The following CHIC2 variants were observed in gnomAD, a reference collection of about 807,000 sequenced individuals.
The protein encoded by CHIC2 is cysteine rich hydrophobic domain 2, also known as cysteine-rich hydrophobic domain-containing protein 2.
A neutral mutation model predicts 25.9 loss-of-function variants in CHIC2; 14 were observed. That is an observed-to-expected ratio of 0.54 (90% confidence interval 0.36 to 0.85). The LOEUF is 0.85. Ranked by LOEUF, CHIC2 falls within the 40% of genes least tolerant of loss-of-function variation. The probability of loss-of-function intolerance (pLI) is 0.01; values close to 1 mark genes in which losing one functional copy is unlikely to be tolerated. For synonymous variants in CHIC2, 70 were observed against 72.0 expected (o/e 0.97, Z 0.14); for missense variants, 146 against 202.0 (o/e 0.72, Z 1.68).
chr4:54,081,317 T>G, the CHIC2 span, among the ~76,000 whole-genome samples: 1 of 151,926 alleles, frequency 6.6e-6, no homozygotes, highest in Non-Finnish European at 1.5e-5. Context: ...ATCTTTGTTT[T>G]CTAGTCTATA....
intron 5 of CHIC2, among the ~76,000 whole-genome samples, chr4:54,010,854 CTCTTAATTTTTTAAAAAGTCCATTTCT>C (rs992347793): frequency 4.6e-5 from 7 of 152,116 alleles, no homozygotes; most frequent in Non-Finnish European, 2.9e-5. Context: ...GGTCCTTTAT[CTCTTAATTTTTTAAAAAGTCCATTTCT>C]TCTTAGGTTA....
the CHIC2 span, among the ~76,000 whole-genome samples, chr4:54,089,193 G>A: frequency 6.6e-6 from 1 of 152,192 alleles, no homozygotes; most frequent in South Asian, 2.1e-4. Context: ...TTCCTTTCTT[G>A]CTGTTAAATT....
chr4:54,034,939 A>G (rs1716338567), intron 3 of CHIC2, among the ~76,000 whole-genome samples: 1 of 152,194 alleles, frequency 6.6e-6, no homozygotes, highest in Non-Finnish European at 1.5e-5. Context: ...GTGTTAATCA[A>G]GTATACATGC....
At chr4:54,036,239 T>C (rs553253661) in intron 3 of CHIC2, among the ~76,000 whole-genome samples, 1 of 152,350 alleles carries the variant, frequency 6.6e-6, no homozygotes, top group African/African-American at 2.4e-5. Flanking sequence ...ATTTTCTGTC[T>C]ACTAGTTCTA....
chr4:54,017,678 A>G (rs1006808750), intron 3 of CHIC2, among the ~76,000 whole-genome samples: 4 of 152,194 alleles, frequency 2.6e-5, no homozygotes, highest in Admixed American at 6.5e-5. Context: ...GACCAAGACC[A>G]CCAACTCACA....
At chr4:54,078,453 T>C in the CHIC2 span, among the ~76,000 whole-genome samples, 1 of 152,200 alleles carries the variant, frequency 6.6e-6, no homozygotes, top group Non-Finnish European at 1.5e-5. Context: ...AATTAGTTTG[T>C]CTGTATTGAG....
intron 3 of CHIC2, among the ~76,000 whole-genome samples, chr4:54,043,804 T>C (rs1334123646): frequency 6.6e-6 from 1 of 151,988 alleles, no homozygotes; most frequent in Non-Finnish European, 1.5e-5. Context: ...CACATAACAA[T>C]AATAACCTTA....
chr4:54,028,213 T>C (rs920165241), intron 3 of CHIC2, among the ~76,000 whole-genome samples: 2 of 152,230 alleles, frequency 1.3e-5, no homozygotes, highest in Admixed American at 6.5e-5. Context: ...TTATAACCCA[T>C]AGGCCTGAAT....
At chr4:54,014,332 A>G (rs1029986127) in intron 3 of CHIC2, among the ~76,000 whole-genome samples, 2 of 152,134 alleles carry the variant, frequency 1.3e-5, no homozygotes, top group African/African-American at 4.8e-5. Context: ...TTATCATACG[A>G]ATCTTTTTTT....
intron 3 of CHIC2, among the ~76,000 whole-genome samples, chr4:54,044,348 A>G (rs907034432): frequency 6.6e-6 from 1 of 152,220 alleles, no homozygotes; most frequent in East Asian, 1.9e-4. Context: ...CAGAATATAC[A>G]TTCCTTTCGG....
At chr4:54,073,685 C>T in the CHIC2 span, among the ~76,000 whole-genome samples, 1 of 152,084 alleles carries the variant, frequency 6.6e-6, no homozygotes, top group Non-Finnish European at 1.5e-5. Context: ...TCAGAAATGA[C>T]AAATGTTTAT....
chr4:54,040,881 T>A (rs1458138615), intron 3 of CHIC2, among the ~76,000 whole-genome samples: 1 of 150,854 alleles, frequency 6.6e-6, no homozygotes, highest in Non-Finnish European at 1.5e-5. Context: ...ACCGTCTCAA[T>A]CATAATAAGA....
At chr4:54,085,197 C>T in the CHIC2 span, among the ~76,000 whole-genome samples, 2 of 151,948 alleles carry the variant, frequency 1.3e-5, no homozygotes, top group African/African-American at 2.4e-5. Flanking sequence ...CTTTAAAAAC[C>T]TGTTCAGAAT....
the CHIC2 span, among the ~76,000 whole-genome samples, chr4:54,085,026 T>C: frequency 6.7e-6 from 1 of 148,638 alleles, no homozygotes; most frequent in Non-Finnish European, 1.5e-5. Context: ...AGCTAAACAC[T>C]GAATTGATAT....
At chr4:54,089,455 TC>T in the CHIC2 span, among the ~76,000 whole-genome samples, 1 of 151,460 alleles carries the variant, frequency 6.6e-6, no homozygotes, top group African/African-American at 2.4e-5. Context: ...GATCAAAATA[TC>T]AAAAAATGTT....
intron 1 of CHIC2, chr4:54,060,590 G>T (rs1717304695): frequency 6.6e-6 from 1 of 152,054 alleles, no homozygotes; most frequent in Admixed American, 6.6e-5. Context: ...AGGAAATATT[G>T]GCCTAAAACT....
chr4:54,087,085 C>T, the CHIC2 span: 1 of 1,047,052 alleles, frequency 9.6e-7, no homozygotes, highest in South Asian at 1.3e-5. Flanking sequence ...CCACCTCTCT[C>T]AGGAAGATGT....
At chr4:54,018,095 T>C (rs555299786) in intron 3 of CHIC2, among the ~76,000 whole-genome samples, 4 of 152,066 alleles carry the variant, frequency 2.6e-5, no homozygotes, top group African/African-American at 7.2e-5. Flanking sequence ...ATTGTGAAAA[T>C]AGGAAAAACA....
chr4:54,064,355 G>A lies in CHIC2; in HGVS notation c.-55C>T, dbSNP rs1421447644. ...GGCCTGACTCCCGGGGTTGGCGCCG[G>A]GGTACCGGCGGGCGAGGCGGCGGAG... On this transcript the variant is annotated 5_prime_UTR_variant, in exon 1 of 6. Transcript: ENST00000263921. The surrounding 1 kb of genome is among the most constrained non-coding windows in gnomAD (Gnocchi z 4.2). 5 of 1,602,790 alleles carry A rather than the reference G, an allele frequency of 3.1e-6. No homozygotes were observed. In the Admixed American group the frequency reaches 5.2e-5, roughly 17 times the overall value.
Sources: gnomAD v4.1 joint callset for allele counts (sites outside exome capture counted in the v4.1 genomes callset) on GRCh38, gnomAD v4.1.1 for gene constraint, Gnocchi (gnomAD v3.1) non-coding constraint, MANE v1.5 for transcripts, NCBI Gene and HGNC (gene_info 2026-07-23, HGNC 2026-07-21) for gene names.